Variants in HMGCLL1 observed in about 807,000 individuals in gnomAD.
The protein encoded by HMGCLL1 is 3-hydroxy-3-methylglutaryl-CoA lyase like 1.
HMGCLL1 carries 36 observed loss-of-function variants against 39.1 expected under a neutral mutation model. The observed-to-expected ratio is 0.92, with a 90% confidence interval of 0.71 to 1.22. The LOEUF (loss-of-function observed/expected upper bound fraction) is 1.22. Among genes scored for constraint, HMGCLL1 ranks in the 50% most tolerant of loss-of-function variants. The probability of loss-of-function intolerance (pLI) is 0.00; values close to 1 mark genes in which losing one functional copy is unlikely to be tolerated. For missense variants in HMGCLL1, 451 were observed against 416.5 expected (o/e 1.08, Z -0.72); for synonymous variants, 149 against 144.0 (o/e 1.03, Z -0.25).
intron 1 of HMGCLL1, among the ~76,000 whole-genome samples, chr6:55,575,511 T>C (rs979759604): frequency 1.3e-5 from 2 of 152,082 alleles, no homozygotes; most frequent in Admixed American, 1.3e-4. Context: ...ATGGAATAAG[T>C]TGGTAACAGA....
the HMGCLL1 span, among the ~76,000 whole-genome samples, chr6:55,628,661 A>C: frequency 2.0e-5 from 3 of 152,012 alleles, no homozygotes; most frequent in African/African-American, 7.2e-5. Flanking sequence ...ATCATTTGGC[A>C]GTGTCCCCAC....
At chr6:55,598,504 A>G in the HMGCLL1 span, among the ~76,000 whole-genome samples, 1 of 152,186 alleles carries the variant, frequency 6.6e-6, no homozygotes, top group African/African-American at 2.4e-5. Context: ...TCCTCCTGTT[A>G]CCACGCTAAC....
chr6:55,572,130 C>G (rs1394811670), intron 1 of HMGCLL1, among the ~76,000 whole-genome samples: 1 of 151,686 alleles, frequency 6.6e-6, no homozygotes, highest in Non-Finnish European at 1.5e-5. Context: ...CATAAACAAG[C>G]CTACAAGATA....
At chr6:55,584,829 A>T in the HMGCLL1 span, among the ~76,000 whole-genome samples, 1 of 152,084 alleles carries the variant, frequency 6.6e-6, no homozygotes, top group East Asian at 1.9e-4. Context: ...TAAAAGACAC[A>T]TATGGTGAAT....
chr6:55,636,771 G>T, the HMGCLL1 span, among the ~76,000 whole-genome samples: 3 of 151,922 alleles, frequency 2.0e-5, no homozygotes, highest in Non-Finnish European at 4.4e-5. Context: ...AAAAGTTTAG[G>T]GTCAAAGTGA....
intron 1 of HMGCLL1, among the ~76,000 whole-genome samples, chr6:55,561,297 A>G (rs1474633872): frequency 1.3e-5 from 2 of 152,180 alleles, no homozygotes; most frequent in Non-Finnish European, 2.9e-5. Flanking sequence ...AATCTCAGGA[A>G]ATTTAGATTC....
At chr6:55,460,109 A>G (rs556926532) in intron 7 of HMGCLL1, among the ~76,000 whole-genome samples, 2 of 152,128 alleles carry the variant, frequency 1.3e-5, no homozygotes, top group East Asian at 3.9e-4. Flanking sequence ...GGAGGAATAT[A>G]TATCAAGGGT....
intron 1 of HMGCLL1, among the ~76,000 whole-genome samples, chr6:55,548,997 A>T (rs1418119686): frequency 6.6e-6 from 1 of 151,736 alleles, no homozygotes; most frequent in Non-Finnish European, 1.5e-5. Context: ...AAGATGCTGT[A>T]AACATGATAA....
intron 5 of HMGCLL1, among the ~76,000 whole-genome samples, chr6:55,503,428 T>A (rs1766994852): frequency 6.6e-6 from 1 of 151,834 alleles, no homozygotes; most frequent in African/African-American, 2.4e-5. Context: ...CCCATATGCT[T>A]CTGTGGTATC....
chr6:55,646,780 T>G, the HMGCLL1 span, among the ~76,000 whole-genome samples: 1 of 152,072 alleles, frequency 6.6e-6, no homozygotes, highest in African/African-American at 2.4e-5. Flanking sequence ...TTCATTTTTT[T>G]GAATCTTTTA....
the HMGCLL1 span, among the ~76,000 whole-genome samples, chr6:55,594,882 G>A: frequency 2.0e-5 from 3 of 152,158 alleles, no homozygotes; most frequent in African/African-American, 7.2e-5. Context: ...TGGGGAGATG[G>A]AGGCTGAGCA....
chr6:55,456,269 G>A (rs1764317028), intron 7 of HMGCLL1, among the ~76,000 whole-genome samples: 1 of 152,226 alleles, frequency 6.6e-6, no homozygotes, highest in Admixed American at 6.5e-5. Flanking sequence ...AAAAGCTCCT[G>A]TGTAAACTGT....
At chr6:55,619,910 T>C in the HMGCLL1 span, among the ~76,000 whole-genome samples, 1 of 152,156 alleles carries the variant, frequency 6.6e-6, no homozygotes. Flanking sequence ...CCTAAATTTT[T>C]AGTTCCCACA....
rs566042054 is a variant in HMGCLL1, at chr6:55,558,616, T to C, written c.109-16476A>G. On this transcript the variant is annotated intron_variant, in intron 1 of 8. Coordinates refer to ENST00000274901, the MANE Select transcript of HMGCLL1 (RefSeq NM_001042406.2). Reference sequence around the variant, plus strand: ...GCTTCTAGATCTCATAGTCCTTCCATGTGAATATGATGACCAATAACAATC... The same window carrying C: ...GCTTCTAGATCTCATAGTCCTTCCACGTGAATATGATGACCAATAACAATC... Among the ~76,000 whole-genome samples, 40 of 152,258 alleles carry C rather than the reference T, an allele frequency of 2.6e-4. 1 individual carries two copies. Among genetic ancestry groups the C allele is most frequent in the Admixed American group, 2.2e-3 (33 of 15,286 alleles).
chr6:55,519,461 G>A (rs1448189668), intron 3 of HMGCLL1, among the ~76,000 whole-genome samples: 1 of 152,086 alleles, frequency 6.6e-6, no homozygotes, highest in Non-Finnish European at 1.5e-5. Flanking sequence ...GTTTTTGATT[G>A]CATATCCATG....
the HMGCLL1 span, among the ~76,000 whole-genome samples, chr6:55,601,612 T>G: frequency 6.6e-6 from 1 of 152,180 alleles, no homozygotes; most frequent in Non-Finnish European, 1.5e-5. Flanking sequence ...CGGTCATTTT[T>G]TAAATCAGTC....
intron 7 of HMGCLL1, among the ~76,000 whole-genome samples, chr6:55,476,438 T>C (rs755795563): frequency 2.2e-4 from 34 of 151,682 alleles, no homozygotes; most frequent in Non-Finnish European, 3.5e-4. Flanking sequence ...CCTAAATTTA[T>C]GTATTGATTT....
chr6:55,457,074 G>A (rs1447185856), intron 7 of HMGCLL1, among the ~76,000 whole-genome samples: 1 of 152,146 alleles, frequency 6.6e-6, no homozygotes, highest in East Asian at 1.9e-4. Flanking sequence ...CCTTTCACCT[G>A]TGTTTCCTAC....
chr6:55,661,063 G>A, the HMGCLL1 span, among the ~76,000 whole-genome samples: 1 of 151,812 alleles, frequency 6.6e-6, no homozygotes, highest in South Asian at 2.1e-4. Context: ...TAATGGGGTT[G>A]TTTGTTTTTT....
Sources: allele counts gnomAD v4.1 joint callset (sites outside exome capture counted in the v4.1 genomes callset), GRCh38; gene constraint gnomAD v4.1.1; transcripts MANE v1.5; gene names NCBI Gene and HGNC (gene_info 2026-07-23, HGNC 2026-07-21).